Variants in SNX29 observed in about 807,000 individuals in gnomAD.
SNX29 encodes sorting nexin-29.
In SNX29, 78 loss-of-function variants were observed where a neutral mutation model predicts 102.1. The ratio of observed to expected loss-of-function variants is 0.76; its 90% confidence interval spans 0.64 to 0.92. The LOEUF (loss-of-function observed/expected upper bound fraction) is 0.92, where lower values mean the gene tolerates loss of function less well. SNX29 is among the 40% of genes least tolerant of loss of function. SNX29 has a pLI of 0.00. For synonymous variants in SNX29, 580 were observed against 414.5 expected (o/e 1.40, Z -4.85); for missense variants, 1,280 against 1,061.7 (o/e 1.21, Z -2.86).
intron 14 of SNX29, among the ~76,000 whole-genome samples, chr16:12,236,564 G>A (rs2077940431): frequency 6.6e-6 from 1 of 152,160 alleles, no homozygotes; most frequent in South Asian, 2.1e-4. Flanking sequence ...ACCTACTCTG[G>A]AAAGACTCTG....
chr16:12,255,031 GACA>G (rs1195830434), intron 14 of SNX29, among the ~76,000 whole-genome samples: 1 of 152,186 alleles, frequency 6.6e-6, no homozygotes, highest in Non-Finnish European at 1.5e-5. Flanking sequence ...AAGTATCATT[GACA>G]ACAACTGTGT....
Position 12,558,397 on chromosome 16 carries a change from T to C in SNX29, c.2319-10109T>C, listed in dbSNP as rs559984937. ...CATCGGAATTTTACATAGAGTGATA[T>C]GTTAGCCTTGAAGTGGTGAAAGCTG... is the stretch of plus-strand genomic sequence containing the variant. On this transcript the variant is annotated intron_variant, in intron 20 of 20. Transcript: ENST00000566228. Among the ~76,000 whole-genome samples, 4 of 152,208 alleles carry C rather than the reference T, an allele frequency of 2.6e-5. No individual in the cohort carries two copies. In the East Asian group the frequency reaches 5.8e-4, roughly 22 times the overall value.
intron 18 of SNX29, among the ~76,000 whole-genome samples, chr16:12,455,808 G>A (rs1439726140): frequency 2.0e-5 from 3 of 152,104 alleles, no homozygotes; most frequent in Admixed American, 6.5e-5. Flanking sequence ...TAGGTGGCCC[G>A]GTATGGAGGG....
chr16:12,490,130 G>A (rs2088470731), intron 19 of SNX29, among the ~76,000 whole-genome samples: 1 of 152,030 alleles, frequency 6.6e-6, no homozygotes, highest in South Asian at 2.1e-4. Context: ...TTTAAGTTGA[G>A]GTATAGCATA....
chr16:12,212,633 A>G (rs538790400), intron 14 of SNX29, among the ~76,000 whole-genome samples: 4 of 152,298 alleles, frequency 2.6e-5, no homozygotes, highest in South Asian at 4.1e-4. Flanking sequence ...CCGTTTGTAT[A>G]TCTTCTTTTG....
chr16:12,290,557 C>T (rs1421142347), intron 15 of SNX29, among the ~76,000 whole-genome samples: 17 of 152,156 alleles, frequency 1.1e-4, no homozygotes, highest in Non-Finnish European at 2.4e-4. Flanking sequence ...ACCTCTGGTA[C>T]CTGGTTGATG....
At chr16:12,345,377 T>C (rs1217673612) in intron 15 of SNX29, among the ~76,000 whole-genome samples, 2 of 152,202 alleles carry the variant, frequency 1.3e-5, no homozygotes, top group African/African-American at 4.8e-5. Context: ...GCACCTAGTA[T>C]GATGTCTAAG....
intron 19 of SNX29, among the ~76,000 whole-genome samples, chr16:12,513,757 C>G (rs2089739822): frequency 6.6e-6 from 1 of 152,138 alleles, no homozygotes; most frequent in Non-Finnish European, 1.5e-5. Flanking sequence ...CAGGGGAGGC[C>G]ACTTCGTGAA....
chr16:12,557,117 G>C (rs937871523), intron 20 of SNX29, among the ~76,000 whole-genome samples: 2 of 150,824 alleles, frequency 1.3e-5, no homozygotes, highest in Non-Finnish European at 2.9e-5. Context: ...CGAAAGTGCT[G>C]AGATTAGACA....
rs185670930 is a variant in SNX29 at position 12,564,085 on chromosome 16, A to G, written c.2319-4421A>G. On this transcript the variant is annotated intron_variant, in intron 20 of 20. Transcript: ENST00000566228. Reference sequence around the variant, plus strand: ...CGATGCTGTATTTTGGGAGTTTGTAATATCTTTGTAAAATCCTCCTTGATT... The same window carrying G: ...CGATGCTGTATTTTGGGAGTTTGTAGTATCTTTGTAAAATCCTCCTTGATT... Among the ~76,000 whole-genome samples, 324 of 149,992 alleles carry G rather than the reference A, an allele frequency of 2.2e-3. 1 individual carries two copies. The highest frequency in any genetic ancestry group is 7.1e-3 in the African/African-American group (292 of 41,410).
chr16:12,209,516 A>G (rs1239084407), intron 14 of SNX29, among the ~76,000 whole-genome samples: 1 of 152,104 alleles, frequency 6.6e-6, no homozygotes, highest in African/African-American at 2.4e-5. Flanking sequence ...TTGAGTGACC[A>G]CCTGCTGTCC....
chr16:12,322,328 T>A (rs1270737389), intron 15 of SNX29, among the ~76,000 whole-genome samples: 1 of 152,100 alleles, frequency 6.6e-6, no homozygotes, highest in East Asian at 1.9e-4. Flanking sequence ...AATCAGGGGC[T>A]ATCGCAAGAG....
chr16:12,463,767 G>A (rs558673326), intron 18 of SNX29, among the ~76,000 whole-genome samples: 24 of 151,852 alleles, frequency 1.6e-4, no homozygotes, highest in South Asian at 2.1e-4. Flanking sequence ...CATATACATC[G>A]TGTAATGACT....
chr16:12,218,868 G>A (rs531696389), intron 14 of SNX29, among the ~76,000 whole-genome samples: 6 of 152,176 alleles, frequency 3.9e-5, no homozygotes, highest in African/African-American at 1.2e-4. Context: ...TCCACCTGCC[G>A]GGTTCACGCC....
chr16:12,541,843 T>G (rs1427811224), intron 20 of SNX29, among the ~76,000 whole-genome samples: 10 of 152,128 alleles, frequency 6.6e-5, no homozygotes, highest in South Asian at 6.2e-4. Flanking sequence ...TTCTCCCAGC[T>G]TTGTAGCACA....
intron 11 of SNX29, among the ~76,000 whole-genome samples, chr16:12,108,544 T>C (rs1302353159): frequency 6.6e-6 from 1 of 152,146 alleles, no homozygotes; most frequent in Non-Finnish European, 1.5e-5. Context: ...CCAAGCTTGT[T>C]GGGTGACTAC....
At chr16:12,439,857 C>T (rs1022209020) in intron 18 of SNX29, among the ~76,000 whole-genome samples, 1 of 152,228 alleles carries the variant, frequency 6.6e-6, no homozygotes, top group Non-Finnish European at 1.5e-5. Context: ...CACTAACATG[C>T]TTGGTGCAGG....
chr16:12,550,504 C>G (rs879452571), intron 20 of SNX29, among the ~76,000 whole-genome samples: 1 of 146,728 alleles, frequency 6.8e-6, no homozygotes, highest in African/African-American at 2.5e-5. Flanking sequence ...CATTACATTC[C>G]AGTCTGGGAG....
rs928658756 is a variant in SNX29 at position 12,001,154 on chromosome 16, C to T, written c.69+1796C>T. On this transcript the variant is annotated intron_variant, in intron 2 of 20. Coordinates refer to ENST00000566228, the MANE Select transcript of SNX29 (RefSeq NM_032167.5). ...TTAGATGGAGTCTAGCTCTGTCGCC[C>T]GGGCTGGAGTACAGTGGTGCAGTCT... Among the ~76,000 whole-genome samples, 14 of 152,090 alleles carry T rather than the reference C, an allele frequency of 9.2e-5. No homozygotes were observed. In the East Asian group the frequency reaches 1.9e-3, roughly 21 times the overall value.
Sources: gnomAD v4.1 joint callset for allele counts (sites outside exome capture counted in the v4.1 genomes callset) on GRCh38, gnomAD v4.1.1 for gene constraint, MANE v1.5 for transcripts, NCBI Gene and HGNC (gene_info 2026-07-23, HGNC 2026-07-21) for gene names.